SUGCT: variants seen among roughly 807,000 people sequenced by gnomAD.
SUGCT encodes succinyl-CoA:glutarate-CoA transferase, also known as succinyl-CoA:glutarate CoA-transferase.
Under a neutral mutation model 55.0 loss-of-function variants are expected in SUGCT, and 41 were observed. The ratio of observed to expected loss-of-function variants is 0.74; its 90% CI spans 0.58 to 0.97. The LOEUF is 0.97. Ranked by LOEUF, SUGCT falls within the 50% of genes least tolerant of loss-of-function variation. SUGCT has a pLI of 0.00. For missense variants in SUGCT, 568 were observed against 547.8 expected (o/e 1.04, Z -0.37); for synonymous variants, 187 against 200.4 (o/e 0.93, Z 0.56).
chr7:40,796,564 G>A (rs977500995), intron 13 of SUGCT, among the ~76,000 whole-genome samples: 2 of 152,170 alleles, frequency 1.3e-5, no homozygotes, highest in African/African-American at 4.8e-5. Flanking sequence ...TCGGGACCCC[G>A]AAAGCTAGGA....
intron 9 of SUGCT, among the ~76,000 whole-genome samples, chr7:40,391,430 T>C (rs1363257045): frequency 2.0e-5 from 3 of 152,044 alleles, no homozygotes. Context: ...CTTAAACAAA[T>C]TTACAAGAAA....
At chr7:40,404,141 G>A (rs2151327150) in intron 9 of SUGCT, among the ~76,000 whole-genome samples, 1 of 152,288 alleles carries the variant, frequency 6.6e-6, no homozygotes, top group South Asian at 2.1e-4. Flanking sequence ...GCAATGTGCA[G>A]GAAAAGGGCC....
At chr7:40,314,021 G>A (rs981147592) in intron 8 of SUGCT, among the ~76,000 whole-genome samples, 1 of 152,166 alleles carries the variant, frequency 6.6e-6, no homozygotes, top group Admixed American at 6.5e-5. Flanking sequence ...AATGTATATA[G>A]TATTCTACTT....
At chr7:40,962,968 T>C in the SUGCT span, among the ~76,000 whole-genome samples, 4 of 152,144 alleles carry the variant, frequency 2.6e-5, no homozygotes, top group African/African-American at 9.7e-5. Flanking sequence ...CTTATAATAA[T>C]GTCGAAGAAG....
chr7:40,135,807 C>A (rs1362827667), intron 1 of SUGCT, among the ~76,000 whole-genome samples: 1 of 152,002 alleles, frequency 6.6e-6, no homozygotes, highest in East Asian at 1.9e-4. Flanking sequence ...TAGGCATGCG[C>A]CACCACGCCC....
chr7:40,958,386 G>A, the SUGCT span, among the ~76,000 whole-genome samples: 3 of 151,402 alleles, frequency 2.0e-5, no homozygotes, highest in Non-Finnish European at 4.4e-5. Flanking sequence ...CTCTAATCTT[G>A]TCTTCACGCT....
intron 13 of SUGCT, among the ~76,000 whole-genome samples, chr7:40,820,263 AT>A (rs1791915555): frequency 7.0e-6 from 1 of 142,654 alleles, no homozygotes; most frequent in African/African-American, 2.5e-5. Flanking sequence ...TTTTGGTTCC[AT>A]ATGAACTTTA....
chr7:40,799,770 C>A (rs1790719518), intron 13 of SUGCT, among the ~76,000 whole-genome samples: 1 of 152,148 alleles, frequency 6.6e-6, no homozygotes, highest in Admixed American at 6.5e-5. Context: ...GAAAACCTGG[C>A]ATGGAAAAGC....
At chr7:40,177,452 A>C (rs1034622985) in intron 1 of SUGCT, among the ~76,000 whole-genome samples, 6 of 152,074 alleles carry the variant, frequency 3.9e-5, no homozygotes, top group Non-Finnish European at 7.4e-5. Flanking sequence ...GGGTTGTCCG[A>C]TTTCACAAAT....
intron 10 of SUGCT, among the ~76,000 whole-genome samples, chr7:40,450,960 A>G (rs1318879592): frequency 6.6e-6 from 1 of 152,164 alleles, no homozygotes; most frequent in Non-Finnish European, 1.5e-5. Context: ...TGATTGCAGG[A>G]AGGGCTGAAA....
chr7:40,795,941 T>A (rs1790533186), intron 13 of SUGCT, among the ~76,000 whole-genome samples: 1 of 152,202 alleles, frequency 6.6e-6, no homozygotes, highest in East Asian at 1.9e-4. Flanking sequence ...GAATATGTGA[T>A]CTTTTACTTG....
intron 9 of SUGCT, among the ~76,000 whole-genome samples, chr7:40,363,733 C>T (rs1484201090): frequency 6.6e-6 from 1 of 151,958 alleles, no homozygotes; most frequent in Non-Finnish European, 1.5e-5. Flanking sequence ...TTACTTCCAA[C>T]TATGTGGTCA....
intron 12 of SUGCT, among the ~76,000 whole-genome samples, chr7:40,688,016 A>G (rs1784540211): frequency 6.6e-6 from 1 of 152,052 alleles, no homozygotes; most frequent in Admixed American, 6.6e-5. Flanking sequence ...TTAATTTGGA[A>G]CTCTTCATCC....
chr7:40,748,313 T>TTTGAA (rs1367240140), intron 12 of SUGCT, among the ~76,000 whole-genome samples: 2 of 152,158 alleles, frequency 1.3e-5, no homozygotes, highest in Non-Finnish European at 2.9e-5. Context: ...GGTGGGTTAG[T>TTTGAA]TTGAAGTAAG....
At chr7:40,545,883 A>G (rs1160323777) in intron 12 of SUGCT, among the ~76,000 whole-genome samples, 3 of 152,336 alleles carry the variant, frequency 2.0e-5, no homozygotes, top group African/African-American at 7.2e-5. Flanking sequence ...GATTCAAACA[A>G]TGCACTCTCT....
At chr7:40,190,888 C>T (rs964264487) in intron 5 of SUGCT, among the ~76,000 whole-genome samples, 1 of 152,130 alleles carries the variant, frequency 6.6e-6, no homozygotes, top group East Asian at 1.9e-4. Flanking sequence ...GGTTTTGCAT[C>T]CAGTGAATAC....
intron 7 of SUGCT, among the ~76,000 whole-genome samples, chr7:40,272,792 C>T (rs372384655): frequency 1.3e-5 from 2 of 151,206 alleles, no homozygotes; most frequent in South Asian, 2.1e-4. Flanking sequence ...CCTGAGTAGC[C>T]GGGATTACAT....
At chr7:40,991,525 G>A in the SUGCT span, among the ~76,000 whole-genome samples, 1 of 152,146 alleles carries the variant, frequency 6.6e-6, no homozygotes, top group Non-Finnish European at 1.5e-5. Flanking sequence ...CCTTCAATTT[G>A]TAAAAAATGC....
intron 6 of SUGCT, among the ~76,000 whole-genome samples, chr7:40,222,260 C>T (rs979161943): frequency 1.2e-4 from 19 of 152,152 alleles, no homozygotes. Flanking sequence ...TACAATGCCC[C>T]GTGTTACAAT....
Sources: gnomAD v4.1 joint callset for allele counts (sites outside exome capture counted in the v4.1 genomes callset) on GRCh38, gnomAD v4.1.1 for gene constraint, MANE v1.5 for transcripts, NCBI Gene and HGNC (gene_info 2026-07-23, HGNC 2026-07-21) for gene names.